Variants in CCT5 observed in about 807,000 individuals in gnomAD.
CCT5 encodes T-complex protein 1 subunit epsilon.
In CCT5, 6 loss-of-function variants were observed where a neutral mutation model predicts 55.0. That is an observed-to-expected ratio of 0.11 (90% confidence interval 0.06 to 0.22). The LOEUF is 0.22. Ranked by LOEUF, CCT5 falls within the 10% of genes least tolerant of loss-of-function variation. The pLI is 1.00. For missense variants in CCT5, 560 were observed against 694.6 expected (o/e 0.81, Z 2.18); for synonymous variants, 231 against 243.7 (o/e 0.95, Z 0.49).
intron 6 of CCT5, 137 bp from the exon 7 acceptor site, chr5:10,260,655 C>G: frequency 4.6e-6 from 4 of 876,834 alleles, no homozygotes; most frequent in Non-Finnish European, 7.6e-6. Context: ...TGTCTATTTC[C>G]TTCCTTCTCT....
In CCT5 at chr5:10,250,496, C is replaced by T. The variant is rs374509848; in HGVS notation, c.105+51C>T. On this transcript the variant is annotated intron_variant, in intron 1 of 10. Transcript: ENST00000280326. ...GTGGGCTAAGGGGAGGTGGCCGAGG[C>T]CGTGGCTCTGCGCCTGCGCGAGTTG... The T allele has an allele frequency of 1.2e-4, 187 of 1,605,236 alleles. 1 individual carries two copies. The African/African-American group carries it at 2.1e-3, about 18-fold the overall frequency.
chr5:10,261,569 A>G lies in CCT5; in HGVS notation c.1003A>G (p.Ile335Val). The change falls in exon 8 of 11, where the codon ATC becomes GTC. Residue 335 changes from isoleucine to valine, a missense_variant. Coordinates refer to ENST00000280326, the MANE Select transcript of CCT5 (RefSeq NM_012073.5). The stretch of plus-strand genomic sequence containing the variant: ...TGACCACCCCAATTAGCTGATTGCC[A>G]TCGCAACAGGAGGGCGGATCGTCCC... Reference protein sequence around the residue: ...VGGPEIELIAIATGGRIVPRF... With the variant: ...VGGPEIELIAVATGGRIVPRF... 1 of 1,614,160 alleles carries G rather than the reference A, an allele frequency of 6.2e-7. No individual in the cohort carries two copies. Among genetic ancestry groups the G allele is most frequent in the Non-Finnish European group, 8.5e-7 (1 of 1,179,998 alleles).
At chr5:10,262,959 C>T (rs1484812895) in intron 9 of CCT5, among the ~76,000 whole-genome samples, 175 bp from the exon 10 acceptor site, 1 of 152,208 alleles carries the variant, frequency 6.6e-6, no homozygotes, top group Non-Finnish European at 1.5e-5. Context: ...TACCCTCTGC[C>T]TGTATTCTGT....
chr5:10,250,923 C>G (rs1579443382), intron 1 of CCT5: 2 of 974,634 alleles, frequency 2.1e-6, no homozygotes, highest in Non-Finnish European at 2.5e-6. Flanking sequence ...TATTTCATTT[C>G]TGAGTGCTTT....
chr5:10,261,412 G>A, intron 7 of CCT5, 148 bp from the exon 8 acceptor site: 1 of 757,490 alleles, frequency 1.3e-6, no homozygotes, highest in South Asian at 1.6e-5. Flanking sequence ...GGTGCTTTGG[G>A]TTGAACTGGA....
At chr5:10,262,318 C>T in intron 8 of CCT5, 163 bp from the exon 9 acceptor site, 1 of 777,326 alleles carries the variant, frequency 1.3e-6, no homozygotes, top group Non-Finnish European at 2.1e-6. Context: ...ATTTTGTTAA[C>T]TACATTGCAG....
chr5:10,263,534 T>C (rs1389493964), intron 10 of CCT5, among the ~76,000 whole-genome samples: 1 of 152,220 alleles, frequency 6.6e-6, no homozygotes, highest in Non-Finnish European at 1.5e-5. Context: ...GTAAAGTGCA[T>C]ATGGTACTAT....
chr5:10,256,235 C>A, intron 4 of CCT5, 82 bp downstream of exon 4: 1 of 1,160,968 alleles, frequency 8.6e-7, no homozygotes, highest in Non-Finnish European at 1.3e-6. Context: ...CACAAAATGA[C>A]CACTGGTGGA....
chr5:10,265,057 T>A lies in CCT5; in HGVS notation c.*274T>A, dbSNP rs1429124030. 2.6e-6 allele frequency: 1 copy of A among 382,790 alleles called. No individual in the cohort carries two copies. Among genetic ancestry groups the A allele is most frequent in the Admixed American group, 4.4e-5 (1 of 22,728 alleles). The allele number at this position is 382,790 out of a possible 1,614,324, so 23.7% of individuals were successfully genotyped here. On this transcript the variant is annotated 3_prime_UTR_variant, in exon 11 of 11. Coordinates refer to ENST00000280326, the MANE Select transcript of CCT5 (RefSeq NM_012073.5). The stretch of plus-strand genomic sequence containing the variant: ...GTTTAAGAAACGTTTATTGTAACAG[T>A]AATTAAATGCTGCCTTAATTGAAGG...
intron 4 of CCT5, among the ~76,000 whole-genome samples, chr5:10,256,426 A>G (rs901778671): frequency 6.6e-6 from 1 of 152,234 alleles, no homozygotes. Flanking sequence ...TGTGTTAAAA[A>G]TCAGCTAAGG....
intron 3 of CCT5, among the ~76,000 whole-genome samples, chr5:10,255,426 G>A (rs1418228057): frequency 6.6e-6 from 1 of 151,594 alleles, no homozygotes; most frequent in East Asian, 1.9e-4. Flanking sequence ...TATCAGTAAG[G>A]TTACCTTTTC....
rs888374312 is a variant in CCT5 at position 10,266,220 on chromosome 5, T to C, written c.*1437T>C. ...ACCACAGTCTTATCCGAGGGGTCTG[T>C]GGTTGTATCAGAAGAGCCACTAAAC... On this transcript the variant is annotated 3_prime_UTR_variant, in exon 11 of 11. Coordinates refer to ENST00000280326, the MANE Select transcript of CCT5 (RefSeq NM_012073.5). 1 of 152,298 alleles carries C rather than the reference T, an allele frequency of 6.6e-6. No homozygotes were observed. Among genetic ancestry groups the C allele is most frequent in the South Asian group, 2.1e-4 (1 of 4,830 alleles). 9.4% of individuals were successfully genotyped at this position (152,298 alleles called of 1,614,324 possible).
In CCT5 at chr5:10,262,235, G is replaced by A. The variant is rs2244729; in HGVS notation, c.1180-246G>A. On this transcript the variant is annotated intron_variant, in intron 8 of 10. Coordinates refer to ENST00000280326, the MANE Select transcript of CCT5 (RefSeq NM_012073.5). ...TTAGCACATTGTGATAAATCTTTGC[G>A]AGTTTTGTCAGTTTTTGACTCTTGC... The A allele has an allele frequency of 0.8, 405,083 of 508,034 alleles. 165,575 individuals carry two copies. Among genetic ancestry groups the A allele is most frequent in the East Asian group, 0.89 (24,011 of 27,080 alleles). The allele number at this position is 508,034 out of a possible 1,614,324, so 31.5% of individuals were successfully genotyped here.
intron 1 of CCT5, chr5:10,250,742 C>T (rs1400632590): frequency 1.1e-5 from 14 of 1,244,660 alleles, no homozygotes; most frequent in Non-Finnish European, 1.3e-5. Context: ...GCCTCCCCGC[C>T]CGGCTCCTCC....
chr5:10,263,702 A>C (rs886538745), intron 10 of CCT5, among the ~76,000 whole-genome samples: 2 of 152,114 alleles, frequency 1.3e-5, no homozygotes, highest in Non-Finnish European at 2.9e-5. Flanking sequence ...CACACTGTGG[A>C]GTGTTTTCTA....
At chr5:10,259,891 G>GC (rs11400430) in intron 6 of CCT5, among the ~76,000 whole-genome samples, 111,774 of 151,544 alleles carry the variant, frequency 0.74, 43,410 homozygotes, top group East Asian at 0.86. Flanking sequence ...GGGCTAGATA[G>GC]TAAAATGTTA....
chr5:10,259,803 TA>T (rs1745866677), intron 6 of CCT5, among the ~76,000 whole-genome samples: 1 of 152,048 alleles, frequency 6.6e-6, no homozygotes. Context: ...GGGCCACAGA[TA>T]AATTGAGAGG....
intron 9 of CCT5, 46 bp from the exon 10 acceptor site, chr5:10,263,088 G>A (rs750412697): frequency 1.3e-6 from 2 of 1,554,628 alleles, no homozygotes; most frequent in South Asian, 2.2e-5. Flanking sequence ...CCGCTGGGTT[G>A]TTTTGTTTCG....
chr5:10,257,909 A>G (rs1329240043), intron 4 of CCT5: 1 of 618,286 alleles, frequency 1.6e-6, no homozygotes. Context: ...CTATCTAAGT[A>G]TACAGTCCCC....
Sources: allele counts gnomAD v4.1 joint callset (sites outside exome capture counted in the v4.1 genomes callset), GRCh38; gene constraint gnomAD v4.1.1; transcripts MANE v1.5; gene names NCBI Gene and HGNC (gene_info 2026-07-23, HGNC 2026-07-21).